The following SPAG16 variants were observed in gnomAD, a reference collection of about 807,000 sequenced individuals.
SPAG16 encodes the protein sperm-associated antigen 16 protein.
Under a neutral mutation model 80.4 loss-of-function variants are expected in SPAG16, and 86 were observed. The ratio of observed to expected loss-of-function variants is 1.07; its 90% CI spans 0.90 to 1.28. The LOEUF is 1.28. Among genes scored for constraint, SPAG16 ranks in the 50% most tolerant of loss-of-function variants. The probability of loss-of-function intolerance (pLI) is 0.00; values close to 1 mark genes in which losing one functional copy is unlikely to be tolerated. For missense variants in SPAG16, 870 were observed against 765.3 expected, an observed-to-expected ratio of 1.14 and a Z score of -1.61; for synonymous variants, 294 against 265.9, an observed-to-expected ratio of 1.11 and a Z score of -1.03.
chr2:213,634,624 T>C lies in SPAG16; in HGVS notation c.1070+144534T>C, dbSNP rs114135639. Among the ~76,000 whole-genome samples the C allele has an allele frequency of 6.7e-3, 1,015 of 152,214 alleles. 10 individuals are homozygous for C. The highest frequency in any genetic ancestry group is 0.024 in the African/African-American group (985 of 41,534). ...ATTTATTTGTTTATTATTTCGATAG[T>C]TTTAGGGGAACAGGTATTATTTGGT... On this transcript the variant is annotated intron_variant, in intron 10 of 15. Transcript: ENST00000331683.
At chr2:214,211,011 C>T (rs1381425741) in intron 15 of SPAG16, among the ~76,000 whole-genome samples, 1 of 152,152 alleles carries the variant, frequency 6.6e-6, no homozygotes, top group African/African-American at 2.4e-5. Context: ...GAACGTTATG[C>T]ACCATGTCAT....
chr2:214,246,409 A>G (rs1689851936), intron 15 of SPAG16, among the ~76,000 whole-genome samples: 1 of 152,074 alleles, frequency 6.6e-6, no homozygotes, highest in Non-Finnish European at 1.5e-5. Context: ...GTGGGCTTGG[A>G]ACTCCCTTGT....
intron 10 of SPAG16, among the ~76,000 whole-genome samples, chr2:213,495,071 C>A (rs770452898): frequency 2.6e-5 from 4 of 152,200 alleles, no homozygotes; most frequent in South Asian, 4.1e-4. Context: ...TTATTTCATT[C>A]ATGGTTCTCA....
At position 214,214,466 on chromosome 2, in the gene SPAG16, ACTT is replaced by A. The variant is rs1354963870; in HGVS notation, c.1720+65204_1720+65206del. The stretch of plus-strand genomic sequence containing the variant: ...TCTTCCATATTTTCTTTGATATGTT[ACTT>A]CTTATGATACTGAAAACTTCCCTTA... On this transcript the variant is annotated intron_variant, in intron 15 of 15. Coordinates refer to ENST00000331683, the MANE Select transcript of SPAG16 (RefSeq NM_024532.5). 4.6e-5 allele frequency among the ~76,000 whole-genome samples: 7 copies of A among 152,234 alleles called. No homozygotes were observed. In the South Asian group the frequency reaches 1.0e-3, roughly 23 times the overall value.
chr2:214,224,960 T>G (rs2058667713), intron 15 of SPAG16, among the ~76,000 whole-genome samples: 1 of 152,130 alleles, frequency 6.6e-6, no homozygotes, highest in African/African-American at 2.4e-5. Context: ...AGATAATGGT[T>G]GCTGTTGAAA....
chr2:214,190,264 T>A (rs1488715102), intron 15 of SPAG16, among the ~76,000 whole-genome samples: 1 of 152,130 alleles, frequency 6.6e-6, no homozygotes, highest in Non-Finnish European at 1.5e-5. Context: ...TAAAAGGGAA[T>A]ATGAGTGGGA....
intron 9 of SPAG16, among the ~76,000 whole-genome samples, chr2:213,433,772 A>G (rs947152904): frequency 6.6e-6 from 1 of 152,184 alleles, no homozygotes; most frequent in Non-Finnish European, 1.5e-5. Flanking sequence ...GAATCATAAA[A>G]GAGCCCAAAT....
chr2:213,485,068 C>A (rs1353068947), intron 9 of SPAG16, among the ~76,000 whole-genome samples: 1 of 151,140 alleles, frequency 6.6e-6, no homozygotes, highest in Non-Finnish European at 1.5e-5. Context: ...AATCCTGGCT[C>A]ACTGCAACCT....
intron 9 of SPAG16, among the ~76,000 whole-genome samples, chr2:213,401,954 T>C (rs1245902845): frequency 6.6e-6 from 1 of 152,104 alleles, no homozygotes; most frequent in Non-Finnish European, 1.5e-5. Context: ...TCAAACGTTT[T>C]AAATAAGATC....
chr2:213,403,347 G>A (rs545657513), intron 9 of SPAG16, among the ~76,000 whole-genome samples: 181 of 152,098 alleles, frequency 1.2e-3, no homozygotes, highest in Middle Eastern at 6.8e-3. Context: ...AGATGAGTAG[G>A]TTGCAAAAAT....
chr2:213,724,468 C>T lies in SPAG16; in HGVS notation c.1071-138017C>T, dbSNP rs183843556. ...TAAACCATGTATTTCCAGAGTAGGT[C>T]AAAGTCATTTAAAAAAAGGATAAAC... On this transcript the variant is annotated intron_variant, in intron 10 of 15. Transcript: ENST00000331683. Among the ~76,000 whole-genome samples, 309 of 151,986 alleles carry T rather than the reference C, an allele frequency of 2.0e-3. 2 individuals carry two copies. The highest frequency in any genetic ancestry group is 6.8e-3 in the African/African-American group (284 of 41,476).
intron 6 of SPAG16, among the ~76,000 whole-genome samples, chr2:213,341,973 T>G (rs1228914337): frequency 6.6e-6 from 1 of 152,160 alleles, no homozygotes; most frequent in Non-Finnish European, 1.5e-5. Context: ...ACACACCCTT[T>G]AAAATAGATT....
At chr2:213,396,732 T>G in intron 9 of SPAG16, 1 of 443,248 alleles carries the variant, frequency 2.3e-6, no homozygotes, top group Non-Finnish European at 4.6e-6. Context: ...AGGAGCCAAA[T>G]GGGAAATTCT....
chr2:214,342,583 C>G (rs1041308932), intron 15 of SPAG16, among the ~76,000 whole-genome samples: 1 of 151,956 alleles, frequency 6.6e-6, no homozygotes, highest in Non-Finnish European at 1.5e-5. Context: ...CTCAGGGCTC[C>G]CACTGAGTCT....
intron 10 of SPAG16, among the ~76,000 whole-genome samples, chr2:213,741,400 C>T (rs1004473949): frequency 3.9e-5 from 6 of 152,074 alleles, no homozygotes; most frequent in Admixed American, 2.0e-4. Context: ...TCTGAGTATG[C>T]TCCATTGCCT....
chr2:213,917,667 C>A (rs570738038), intron 11 of SPAG16, among the ~76,000 whole-genome samples: 1 of 152,042 alleles, frequency 6.6e-6, no homozygotes, highest in African/African-American at 2.4e-5. Context: ...GATCAGGGAA[C>A]TTTTGGGCCA....
At chr2:214,072,199 T>C (rs758138581) in intron 13 of SPAG16, among the ~76,000 whole-genome samples, 9 of 152,076 alleles carry the variant, frequency 5.9e-5, no homozygotes, top group Non-Finnish European at 1.3e-4. Flanking sequence ...ATGAGAGAAG[T>C]AAATGTCCTT....
At chr2:213,902,624 G>A (rs556397671) in intron 11 of SPAG16, among the ~76,000 whole-genome samples, 97 of 152,240 alleles carry the variant, frequency 6.4e-4, no homozygotes, top group African/African-American at 2.2e-3. Context: ...TGAGATTTGG[G>A]TGGGGACACA....
intron 15 of SPAG16, among the ~76,000 whole-genome samples, chr2:214,345,095 G>C (rs987411790): frequency 5.9e-5 from 9 of 152,032 alleles, no homozygotes; most frequent in African/African-American, 2.2e-4. Context: ...GAATGAAATA[G>C]GTCAGTAGTC....
Sources: allele counts gnomAD v4.1 joint callset (sites outside exome capture counted in the v4.1 genomes callset), GRCh38; gene constraint gnomAD v4.1.1; transcripts MANE v1.5; gene names NCBI Gene and HGNC (gene_info 2026-07-23, HGNC 2026-07-21).